Variants in STAMBPL1 observed in about 807,000 individuals in gnomAD.
STAMBPL1 encodes STAM binding protein like 1.
A neutral mutation model predicts 52.9 loss-of-function variants in STAMBPL1; 44 were observed. The ratio of observed to expected loss-of-function variants is 0.83; its 90% CI spans 0.65 to 1.07. The LOEUF is 1.07. Among genes scored for constraint, STAMBPL1 ranks in the 50% least tolerant of loss-of-function variants. The probability of loss-of-function intolerance (pLI) is 0.00; values close to 1 mark genes in which losing one functional copy is unlikely to be tolerated. For missense variants in STAMBPL1, 511 were observed against 520.8 expected, an observed-to-expected ratio of 0.98 and a Z score of 0.18; for synonymous variants, 164 against 177.3, an observed-to-expected ratio of 0.92 and a Z score of 0.60.
intron 1 of STAMBPL1, among the ~76,000 whole-genome samples, chr10:88,886,548 C>G (rs1253011137): frequency 6.6e-6 from 1 of 151,670 alleles, no homozygotes; most frequent in Non-Finnish European, 1.5e-5. Flanking sequence ...GGCTGCAATG[C>G]TTAGGTATAG....
chr10:88,894,765 G>GA (rs1844770983), intron 1 of STAMBPL1, among the ~76,000 whole-genome samples: 1 of 152,142 alleles, frequency 6.6e-6, no homozygotes, highest in African/African-American at 2.4e-5. Context: ...GAATTATGAA[G>GA]AAAGGGTTAA....
intron 1 of STAMBPL1, among the ~76,000 whole-genome samples, chr10:88,885,113 C>G (rs1443234168): frequency 1.3e-5 from 2 of 152,174 alleles, no homozygotes; most frequent in African/African-American, 4.8e-5. Flanking sequence ...GTGAATTGCT[C>G]AGCATCATAG....
At chr10:88,907,126 T>A (rs1185318751) in intron 3 of STAMBPL1, among the ~76,000 whole-genome samples, 1 of 152,184 alleles carries the variant, frequency 6.6e-6, no homozygotes, top group Non-Finnish European at 1.5e-5. Flanking sequence ...TCATGCAGTA[T>A]TTGTGTTTCT....
At chr10:88,884,850 AG>A (rs1469350691) in intron 1 of STAMBPL1, among the ~76,000 whole-genome samples, 1 of 152,214 alleles carries the variant, frequency 6.6e-6, no homozygotes, top group Non-Finnish European at 1.5e-5. Flanking sequence ...CCCACGTACT[AG>A]TAGTGTACCC....
At chr10:88,923,085 T>C in intron 10 of STAMBPL1, 83 bp from the exon 11 acceptor site, 1 of 935,472 alleles carries the variant, frequency 1.1e-6, no homozygotes, top group Non-Finnish European at 1.6e-6. Flanking sequence ...TTAGGAAATC[T>C]ATACTTCCTC....
intron 8 of STAMBPL1, 91 bp downstream of exon 8, chr10:88,916,908 T>G (rs971173887): frequency 4.0e-5 from 52 of 1,303,118 alleles, no homozygotes; most frequent in Non-Finnish European, 4.7e-5. Flanking sequence ...TTAAATAGCT[T>G]CTTCTTTTTA....
chr10:88,921,179 A>T, intron 8 of STAMBPL1, 104 bp from the exon 9 acceptor site: 1 of 802,380 alleles, frequency 1.2e-6, no homozygotes, highest in Non-Finnish European at 1.9e-6. Context: ...TTATTTGATT[A>T]ATGATGGTAA....
intron 1 of STAMBPL1, among the ~76,000 whole-genome samples, chr10:88,891,919 C>T (rs1443940189): frequency 6.6e-6 from 1 of 151,806 alleles, no homozygotes; most frequent in Non-Finnish European, 1.5e-5. Flanking sequence ...ATCCATTTAG[C>T]CTTGGATTGT....
At chr10:88,897,671 G>A (rs1412868391) in intron 1 of STAMBPL1, among the ~76,000 whole-genome samples, 2 of 152,176 alleles carry the variant, frequency 1.3e-5, no homozygotes, top group African/African-American at 4.8e-5. Context: ...GCTGTGACAA[G>A]CGCCCTGCCG....
In STAMBPL1 at chr10:88,893,831, A is replaced by G. The variant is rs1274636553; in HGVS notation, c.-53-7825A>G. On this transcript the variant is annotated intron_variant, in intron 1 of 10. Coordinates refer to ENST00000371926, the MANE Select transcript of STAMBPL1 (RefSeq NM_020799.4). The stretch of plus-strand genomic sequence containing the variant: ...CAGATAGTTGTAATGCTGAACTGAA[A>G]TCTTCATTTCCACAGTAAATTTTTT... 4 of 152,164 alleles carry G rather than the reference A, an allele frequency of 2.6e-5. No homozygotes were observed. In the South Asian group the frequency reaches 6.2e-4, roughly 24 times the overall value. 9.4% of individuals were successfully genotyped at this position (152,164 alleles called of 1,614,324 possible). A position where few individuals can be genotyped will look rare whatever the true frequency, so the allele number is the denominator to read the frequency against.
At chr10:88,898,449 A>G (rs947470067) in intron 1 of STAMBPL1, among the ~76,000 whole-genome samples, 4 of 152,178 alleles carry the variant, frequency 2.6e-5, no homozygotes, top group East Asian at 1.9e-4. Flanking sequence ...TGATCTTGCA[A>G]TTGTTTATAA....
intron 1 of STAMBPL1, among the ~76,000 whole-genome samples, chr10:88,885,463 T>C (rs1212021610): frequency 6.6e-6 from 1 of 152,244 alleles, no homozygotes; most frequent in Admixed American, 6.5e-5. Flanking sequence ...TTCTGGGTCT[T>C]TACCCTAACA....
In STAMBPL1 at chr10:88,886,110, C is replaced by T. The variant is rs191912682; in HGVS notation, c.-54+5472C>T. ...CAATTTTTTAAAGCATAGGTGAAAACGCAAATTGGAACACTTCTTAATAAA... is the reference window on the plus strand; with the variant it reads ...CAATTTTTTAAAGCATAGGTGAAAATGCAAATTGGAACACTTCTTAATAAA... On this transcript the variant is annotated intron_variant, in intron 1 of 10. Transcript: ENST00000371926. 1.8e-3 allele frequency among the ~76,000 whole-genome samples: 269 copies of T among 152,254 alleles called. 1 individual carries two copies. The highest frequency in any genetic ancestry group is 6.0e-3 in the African/African-American group (251 of 41,542).
intron 8 of STAMBPL1, among the ~76,000 whole-genome samples, chr10:88,919,110 A>G (rs1845442018): frequency 6.6e-6 from 1 of 152,200 alleles, no homozygotes; most frequent in African/African-American, 2.4e-5. Context: ...AATTAGTCAT[A>G]GGAATAAAAG....
chr10:88,909,180 G>A (rs539166602), intron 4 of STAMBPL1, among the ~76,000 whole-genome samples: 4 of 152,312 alleles, frequency 2.6e-5, no homozygotes, highest in South Asian at 2.1e-4. Context: ...CAGCCACAAA[G>A]TTCTAGCTAT....
chr10:88,921,437 C>A, intron 9 of STAMBPL1, 42 bp downstream of exon 9: 1 of 1,528,946 alleles, frequency 6.5e-7, no homozygotes, highest in Non-Finnish European at 9.0e-7. Context: ...AGGCTTTGTC[C>A]AGGGCTGCTG....
In STAMBPL1 at chr10:88,922,352, G is replaced by T; in HGVS notation, c.1170G>T (p.Arg390Ser). The T allele has an allele frequency of 6.2e-7, 1 of 1,613,094 alleles. No individual in the cohort carries two copies. The highest frequency in any genetic ancestry group is 8.5e-7 in the Non-Finnish European group (1 of 1,179,540). The stretch of plus-strand genomic sequence containing the variant: ...TGAAATTTAGCACTGGCATCTTCAG[G>T]CTCACCAATGCTGGCATGCTTGAGG... ...SPKHKDTGIFRLTNAGMLEVS... is the reference protein window; with the variant it reads ...SPKHKDTGIFSLTNAGMLEVS... Residue 390 changes from arginine to serine, a missense_variant, in exon 10 of 11, where the codon AGG becomes AGT. Around this residue, in one of 3 missense-constraint regions of STAMBPL1, gnomAD observed 137 missense variants for 139.9 expected, o/e 0.98. Coordinates refer to ENST00000371926, the MANE Select transcript of STAMBPL1 (RefSeq NM_020799.4).
At chr10:88,908,605 A>G (rs1340465870) in intron 3 of STAMBPL1, 97 bp from the exon 4 acceptor site, 5 of 971,590 alleles carry the variant, frequency 5.1e-6, no homozygotes, top group African/African-American at 5.0e-5. Flanking sequence ...GTTATTAAAC[A>G]TGTCATTTTT....
intron 1 of STAMBPL1, among the ~76,000 whole-genome samples, chr10:88,888,408 G>A (rs1844592876): frequency 6.6e-6 from 1 of 152,196 alleles, no homozygotes; most frequent in Non-Finnish European, 1.5e-5. Context: ...AGGAACAGGT[G>A]GGTGAAGCAG....
Sources: allele counts gnomAD v4.1 joint callset (sites outside exome capture counted in the v4.1 genomes callset), GRCh38; gene constraint gnomAD v4.1.1; regional missense constraint gnomAD v4.1.1; transcripts MANE v1.5; gene names NCBI Gene and HGNC (gene_info 2026-07-23, HGNC 2026-07-21).